MGARP: variants seen among roughly 807,000 people sequenced by gnomAD.
MGARP encodes the protein mitochondria localized glutamic acid rich protein, also known as protein MGARP.
A neutral mutation model predicts 11.0 loss-of-function variants in MGARP; 12 were observed. The ratio of observed to expected loss-of-function variants is 1.09; its 90% CI spans 0.70 to 1.77. The LOEUF is 1.77. Among genes scored for constraint, MGARP ranks in the 40% most tolerant of loss-of-function variants. MGARP has a pLI of 0.00. For missense variants in MGARP, 283 were observed against 297.8 expected (o/e 0.95, Z 0.36); for synonymous variants, 110 against 115.4 (o/e 0.95, Z 0.30).
Position 139,268,749 on chromosome 4 carries a change from G to A in MGARP, c.203C>T (p.Thr68Ile). The stretch of plus-strand genomic sequence containing the variant: ...TTCTGTGTGTTTGGCTTGGTCTGAT[G>A]TGACTGTCTTGTAAGCCTGAAAGTA... ...AGGYYAYKTV[T>I]SDQAKHTEHK... is the part of the protein sequence containing the mutation. The change falls in exon 3 of 4, where the codon ACA (threonine) becomes ATA (isoleucine). Residue 68 changes from threonine (T) to isoleucine (I), a missense_variant. By Grantham distance (89) the Thr-to-Ile change is moderately conservative. Coordinates refer to ENST00000398955, the MANE Select transcript of MGARP (RefSeq NM_032623.4). 6.2e-7 allele frequency: 1 copy of A among 1,609,048 alleles called. No individual in the cohort carries two copies. The highest frequency in any genetic ancestry group is 8.5e-7 in the Non-Finnish European group (1 of 1,178,218).
chr4:139,272,544 G>A (rs1417719111), intron 2 of MGARP, among the ~76,000 whole-genome samples: 1 of 125,380 alleles, frequency 8.0e-6, no homozygotes, highest in African/African-American at 3.4e-5. Context: ...GGACGAGAGC[G>A]AGACTCTGTC....
chr4:139,266,566 G>C lies in MGARP; in HGVS notation c.*33C>G. The stretch of plus-strand genomic sequence containing the variant: ...AAAAGCACTTATCAGACACCCTATG[G>C]CATTTGTTGCTGAAATGTCTACCGG... On this transcript the variant is annotated 3_prime_UTR_variant, in exon 4 of 4. Transcript: ENST00000398955. 1 of 1,582,476 alleles carries C rather than the reference G, an allele frequency of 6.3e-7. No individual in the cohort carries two copies. The highest frequency in any genetic ancestry group is 8.6e-7 in the Non-Finnish European group (1 of 1,161,268).
intron 2 of MGARP, among the ~76,000 whole-genome samples, chr4:139,272,186 C>T (rs1024751300): frequency 1.3e-5 from 2 of 151,718 alleles, no homozygotes; most frequent in Non-Finnish European, 2.9e-5. Flanking sequence ...TAGTAGAGGA[C>T]AACAATATAA....
At chr4:139,268,297 G>T (rs1417239139) in intron 3 of MGARP, among the ~76,000 whole-genome samples, 1 of 152,180 alleles carries the variant, frequency 6.6e-6, no homozygotes, top group Non-Finnish European at 1.5e-5. Context: ...AGGCACACAG[G>T]TGGTCTTAGC....
intron 3 of MGARP, 28 bp downstream of exon 3, chr4:139,268,644 A>C (rs1221236513): frequency 4.0e-6 from 6 of 1,505,304 alleles, no homozygotes; most frequent in Non-Finnish European, 5.4e-6. Context: ...AAAATAAATA[A>C]AAATAAAAAA....
intron 1 of MGARP, among the ~76,000 whole-genome samples, chr4:139,278,698 C>A (rs543824016): frequency 6.6e-6 from 1 of 152,134 alleles, no homozygotes; most frequent in Non-Finnish European, 1.5e-5. Flanking sequence ...CCGTTCTCAA[C>A]AGAACAGTCC....
At chr4:139,278,046 G>A (rs1744898057) in intron 1 of MGARP, among the ~76,000 whole-genome samples, 1 of 152,034 alleles carries the variant, frequency 6.6e-6, no homozygotes, top group Non-Finnish European at 1.5e-5. Flanking sequence ...TGACCAACAT[G>A]GAGAAACCCC....
At chr4:139,268,883 G>A (rs1187216709) in intron 2 of MGARP, 118 bp from the exon 3 acceptor site, 1 of 671,076 alleles carries the variant, frequency 1.5e-6, no homozygotes, top group Non-Finnish European at 2.5e-6. Flanking sequence ...CATAATCCCA[G>A]TGTAGCAAAG....
intron 1 of MGARP, among the ~76,000 whole-genome samples, chr4:139,279,587 T>C (rs1444617097): frequency 6.6e-6 from 1 of 152,166 alleles, no homozygotes; most frequent in Non-Finnish European, 1.5e-5. Context: ...GAGCGGGCCC[T>C]GCCTCACTGC....
intron 1 of MGARP, among the ~76,000 whole-genome samples, chr4:139,277,457 T>C (rs1014758724): frequency 6.6e-6 from 1 of 152,208 alleles, no homozygotes; most frequent in Non-Finnish European, 1.5e-5. Flanking sequence ...AGGGAATATA[T>C]AGCCTTCATA....
intron 3 of MGARP, among the ~76,000 whole-genome samples, chr4:139,267,683 A>G (rs1323712346): frequency 1.3e-5 from 2 of 152,266 alleles, no homozygotes; most frequent in African/African-American, 2.4e-5. Flanking sequence ...ATTATATTCA[A>G]TAATATGTAT....
chr4:139,278,884 A>T (rs776841423), intron 1 of MGARP, among the ~76,000 whole-genome samples: 5 of 152,136 alleles, frequency 3.3e-5, no homozygotes, highest in African/African-American at 4.8e-5. Flanking sequence ...TTCCACCAGC[A>T]TTTTACAAGA....
intron 1 of MGARP, among the ~76,000 whole-genome samples, chr4:139,278,879 C>T (rs1417811360): frequency 4.6e-5 from 7 of 152,174 alleles, no homozygotes; most frequent in Non-Finnish European, 8.8e-5. Context: ...CTTCCTTCCA[C>T]CAGCATTTTA....
In MGARP at chr4:139,266,612, G is replaced by C. The variant is rs368127329; in HGVS notation, c.710C>G (p.Ser237Trp). ...ACCGGCTGGAGATTAGCCTTGAGCC[G>C]AAGCAGCCTCAGAGCCAACACTGGC... is the stretch of plus-strand genomic sequence containing the variant. ...EEASVGSEAA[S>W]AQG Residue 237 changes from serine (S) to tryptophan (W), a missense_variant, in exon 4 of 4, where the codon TCG becomes TGG. By Grantham distance (177) the Ser-to-Trp change is radical (BLOSUM62 -3). Transcript: ENST00000398955. 18 of 1,612,530 alleles carry C rather than the reference G, an allele frequency of 1.1e-5. No individual in the cohort carries two copies. In the African/African-American group the frequency reaches 2.0e-4, roughly 18 times the overall value.
At chr4:139,279,955 A>G (rs942398419) in intron 1 of MGARP, 122 bp downstream of exon 1, 31 of 1,013,340 alleles carry the variant, frequency 3.1e-5, no homozygotes, top group African/African-American at 9.6e-5. Flanking sequence ...TCGACCTCCA[A>G]TCCAGGCTTC....
intron 2 of MGARP, among the ~76,000 whole-genome samples, chr4:139,270,795 T>C (rs1744768714): frequency 6.6e-6 from 1 of 152,020 alleles, no homozygotes; most frequent in Non-Finnish European, 1.5e-5. Flanking sequence ...AAGCAAGGAA[T>C]ATTTTCCGAG....
rs1480270217 is a variant in MGARP at position 139,280,020 on chromosome 4, G to A, written c.82+57C>T. On this transcript the variant is annotated intron_variant, in intron 1 of 3. Coordinates refer to ENST00000398955, the MANE Select transcript of MGARP (RefSeq NM_032623.4). The stretch of plus-strand genomic sequence containing the variant: ...GGTGCCGGCCGGTTCCCTGGCGCGG[G>A]CGAAATCTGCACCCGAGGCGCCCGT... The A allele has an allele frequency of 2.5e-6, 4 of 1,583,330 alleles. No homozygotes were observed. In the African/African-American group the frequency reaches 5.4e-5, roughly 21 times the overall value.
In MGARP at chr4:139,275,312, T is replaced by G; in HGVS notation, c.163A>C (p.Thr55Pro). The change falls in exon 2 of 4, where the codon ACA becomes CCA. Residue 55 changes from threonine to proline, a missense_variant. Transcript: ENST00000398955. ...NMIYYLVVGV[T>P]VSAGGYYAYK... ...ACATAATATCCACCAGCACTGACTG[T>G]GACGCCTACAACCAGATAATAAATC... The G allele has an allele frequency of 6.2e-7, 1 of 1,613,984 alleles. No homozygotes were observed. The highest frequency in any genetic ancestry group is 8.5e-7 in the Non-Finnish European group (1 of 1,179,890).
Position 139,266,613 on chromosome 4 carries a change from A to G in MGARP, c.709T>C (p.Ser237Pro). 6.2e-7 allele frequency: 1 copy of G among 1,613,042 alleles called. No homozygotes were observed. Among genetic ancestry groups the G allele is most frequent in the Non-Finnish European group, 8.5e-7 (1 of 1,179,566 alleles). Reference sequence around the variant, plus strand: ...CCGGCTGGAGATTAGCCTTGAGCCGAAGCAGCCTCAGAGCCAACACTGGCT... The same window carrying G: ...CCGGCTGGAGATTAGCCTTGAGCCGGAGCAGCCTCAGAGCCAACACTGGCT... ...EEASVGSEAA[S>P]AQG The change falls in exon 4 of 4, where the codon TCG becomes CCG. Residue 237 changes from serine to proline, a missense_variant. Ser to Pro is a moderately conservative substitution (Grantham distance 74). Coordinates refer to ENST00000398955, the MANE Select transcript of MGARP (RefSeq NM_032623.4).
Sources: allele counts gnomAD v4.1 joint callset (sites outside exome capture counted in the v4.1 genomes callset), GRCh38; gene constraint gnomAD v4.1.1; transcripts MANE v1.5; gene names NCBI Gene and HGNC (gene_info 2026-07-23, HGNC 2026-07-21).